The following SPHKAP variants were observed in gnomAD, a reference collection of about 807,000 sequenced individuals.
SPHKAP encodes the protein SPHK1 interactor, AKAP domain containing, also known as A-kinase anchor protein SPHKAP.
Under a neutral mutation model 137.5 loss-of-function variants are expected in SPHKAP, and 67 were observed. The ratio of observed to expected loss-of-function variants is 0.49; its 90% CI spans 0.40 to 0.60. The LOEUF (loss-of-function observed/expected upper bound fraction) is 0.60, where lower values mean the gene tolerates loss of function less well. Ranked by LOEUF, SPHKAP falls within the 20% of genes least tolerant of loss-of-function variation. SPHKAP has a pLI of 0.00. For synonymous variants in SPHKAP, 813 were observed against 785.3 expected (o/e 1.04, Z -0.59); for missense variants, 2,097 against 2,069.3 (o/e 1.01, Z -0.26).
chr2:227,987,624 T>C (rs1007856848), intron 11 of SPHKAP, among the ~76,000 whole-genome samples: 2 of 152,178 alleles, frequency 1.3e-5, no homozygotes, highest in South Asian at 2.1e-4. Flanking sequence ...GAGGAGTATA[T>C]TGGGCACTCA....
intron 1 of SPHKAP, among the ~76,000 whole-genome samples, chr2:228,156,783 G>A (rs948491678): frequency 1.5e-4 from 23 of 152,122 alleles, no homozygotes; most frequent in African/African-American, 5.1e-4. Context: ...AGGTCTGATG[G>A]CTTTATAAAG....
chr2:228,087,651 A>G (rs189516600), intron 3 of SPHKAP, among the ~76,000 whole-genome samples: 34 of 152,316 alleles, frequency 2.2e-4, no homozygotes, highest in Non-Finnish European at 4.1e-4. Context: ...TGAAAAGTAT[A>G]ATAAAATGAA....
chr2:228,001,609 G>A (rs926442166), intron 7 of SPHKAP, among the ~76,000 whole-genome samples: 16 of 149,800 alleles, frequency 1.1e-4, no homozygotes, highest in African/African-American at 3.7e-4. Context: ...TAGGGTACAT[G>A]TGCACAATGT....
chr2:227,982,697 A>G (rs538477447), intron 11 of SPHKAP, among the ~76,000 whole-genome samples: 2 of 152,302 alleles, frequency 1.3e-5, no homozygotes, highest in East Asian at 1.9e-4. Context: ...TCACAACTCT[A>G]TGATGTGAGC....
rs1694722984 is a variant in SPHKAP, at chr2:228,018,942, C to T, written c.1912G>A (p.Asp638Asn). 2 of 1,614,044 alleles carry T rather than the reference C, an allele frequency of 1.2e-6. No individual in the cohort carries two copies. Among genetic ancestry groups the T allele is most frequent in the African/African-American group, 2.7e-5 (2 of 74,938 alleles). ...TRPNTYSSIGDFLDSMNRRIM... is the reference protein window; with the variant it reads ...TRPNTYSSIGNFLDSMNRRIM... Reference sequence around the variant, plus strand: ...CTCCTGTTCATGGAGTCCAGAAAGTCTCCAATGCTGCTGTAGGTATTAGGC... The same window carrying T: ...CTCCTGTTCATGGAGTCCAGAAAGTTTCCAATGCTGCTGTAGGTATTAGGC... The change falls in exon 7 of 12, where the codon GAC becomes AAC. Residue 638 changes from aspartate to asparagine, a missense_variant. Transcript: ENST00000392056.
rs1451008734 is a variant in SPHKAP, at chr2:228,063,230, GTCTATCTACC to G, written c.247-35697_247-35688del. 2.9e-5 allele frequency among the ~76,000 whole-genome samples: 4 copies of G among 138,970 alleles called. No homozygotes were observed. The East Asian group carries it at 9.5e-4, about 33-fold the overall frequency. The allele number at this position is 138,970 out of a possible 152,430, so 91.2% of individuals were successfully genotyped here. On this transcript the variant is annotated intron_variant, in intron 3 of 11. Transcript: ENST00000392056. Reference sequence around the variant, plus strand: ...TATCTATTTACCTGTCTATCTACCTGTCTATCTACCTACCTATCTGCCATTCTATTACTGC... The same window carrying G: ...TATCTATTTACCTGTCTATCTACCTGTACCTATCTGCCATTCTATTACTGC...
At chr2:228,143,450 T>A (rs1205711286) in intron 1 of SPHKAP, among the ~76,000 whole-genome samples, 1 of 151,986 alleles carries the variant, frequency 6.6e-6, no homozygotes, top group African/African-American at 2.4e-5. Flanking sequence ...AAAACATAAG[T>A]CCATTCAGGT....
At chr2:228,146,380 ACT>A (rs1699776546) in intron 1 of SPHKAP, among the ~76,000 whole-genome samples, 1 of 152,096 alleles carries the variant, frequency 6.6e-6, no homozygotes, top group African/African-American at 2.4e-5. Context: ...GAGTATTTTC[ACT>A]GTCCTAAAAA....
At chr2:228,088,679 G>C (rs1354198720) in intron 3 of SPHKAP, among the ~76,000 whole-genome samples, 2 of 152,186 alleles carry the variant, frequency 1.3e-5, no homozygotes, top group African/African-American at 2.4e-5. Flanking sequence ...GAATGGCTTA[G>C]CACCATCTAC....
intron 7 of SPHKAP, among the ~76,000 whole-genome samples, chr2:228,012,163 C>CAAAAAAAAAAAAAAAAAAAAAAAAA (rs544782857): frequency 2.4e-5 from 2 of 84,918 alleles, no homozygotes; most frequent in African/African-American, 4.9e-5. Context: ...GACTCTACCT[C>CAAAAAAAAAAAAAAAAAAAAAAAAA]AAAAAAAAAA....
chr2:228,036,631 C>T (rs1345609830), intron 3 of SPHKAP, among the ~76,000 whole-genome samples: 6 of 151,974 alleles, frequency 3.9e-5, no homozygotes, highest in African/African-American at 1.5e-4. Flanking sequence ...TTGGAACCAA[C>T]CCAAATGTCC....
chr2:227,989,895 G>T (rs372557481), intron 11 of SPHKAP, among the ~76,000 whole-genome samples: 5 of 152,064 alleles, frequency 3.3e-5, no homozygotes, highest in South Asian at 4.2e-4. Context: ...GGGATTATAG[G>T]CATGAGCCAC....
intron 1 of SPHKAP, among the ~76,000 whole-genome samples, chr2:228,136,095 G>T (rs527891333): frequency 6.6e-6 from 1 of 152,318 alleles, no homozygotes; most frequent in African/African-American, 2.4e-5. Context: ...ATGAGGCAGA[G>T]ATGGCAGTGA....
At chr2:228,175,727 A>G (rs187095809) in intron 1 of SPHKAP, among the ~76,000 whole-genome samples, 1 of 152,350 alleles carries the variant, frequency 6.6e-6, no homozygotes, top group Admixed American at 6.5e-5. Flanking sequence ...CAATTAAAAA[A>G]AGAGATTTTT....
intron 7 of SPHKAP, among the ~76,000 whole-genome samples, chr2:228,008,185 G>C (rs550594665): frequency 6.6e-6 from 1 of 151,916 alleles, no homozygotes; most frequent in Admixed American, 6.6e-5. Context: ...TTTTAATAAA[G>C]TCTATTTTAT....
chr2:228,071,978 G>A (rs1038121719), intron 3 of SPHKAP, among the ~76,000 whole-genome samples: 2 of 152,198 alleles, frequency 1.3e-5, no homozygotes, highest in African/African-American at 4.8e-5. Flanking sequence ...ATTTCTGGAA[G>A]AGACTAGCCA....
chr2:227,991,861 G>C (rs1036084055), intron 9 of SPHKAP: 2 of 330,010 alleles, frequency 6.1e-6, no homozygotes, highest in Non-Finnish European at 8.7e-6. Context: ...ACAAACTGCA[G>C]AACTTAAATT....
intron 7 of SPHKAP, among the ~76,000 whole-genome samples, chr2:228,003,463 G>C (rs1397737313): frequency 6.6e-6 from 1 of 152,184 alleles, no homozygotes; most frequent in Non-Finnish European, 1.5e-5. Flanking sequence ...GAGATTTTGA[G>C]CTGAAACGAT....
rs376469547 is a variant in SPHKAP, at chr2:228,088,101, A to T, written c.246+20731T>A. 3.9e-4 allele frequency among the ~76,000 whole-genome samples: 60 copies of T among 152,324 alleles called. No individual in the cohort carries two copies. The East Asian group carries it at 7.9e-3, about 20-fold the overall frequency. On this transcript the variant is annotated intron_variant, in intron 3 of 11. Transcript: ENST00000392056. ...GAACTGAGTTGTACTGCAGTGAAGA[A>T]AATGAGACCAGGTAAAATAAAATCA...
Sources: allele counts gnomAD v4.1 joint callset (sites outside exome capture counted in the v4.1 genomes callset), GRCh38; gene constraint gnomAD v4.1.1; transcripts MANE v1.5; gene names NCBI Gene and HGNC (gene_info 2026-07-23, HGNC 2026-07-21).